Variants in DSCC1 observed in about 807,000 individuals in gnomAD.
The protein encoded by DSCC1 is DNA replication and sister chromatid cohesion 1.
In DSCC1, 32 loss-of-function variants were observed where a neutral mutation model predicts 48.2. That is an observed-to-expected ratio of 0.66 (90% CI 0.50 to 0.89). The LOEUF is 0.89. Among genes scored for constraint, DSCC1 ranks in the 40% least tolerant of loss-of-function variants. DSCC1 has a pLI of 0.00. For synonymous variants in DSCC1, 150 were observed against 171.5 expected, an observed-to-expected ratio of 0.87 and a Z score of 0.98; for missense variants, 421 against 471.7, an observed-to-expected ratio of 0.89 and a Z score of 1.00.
chr8:119,846,996 T>C lies in DSCC1; in HGVS notation c.571A>G (p.Ile191Val), dbSNP rs1274902432. ...TAGTAGTAAGTAACGCTACCTCCAA[T>C]CTTACAGGCATTTAGAACTTGTAAT... ...TQLQVLNACK[I>V]GGYWRILEFD... The change falls in exon 4 of 9, where the codon ATT (isoleucine) becomes GTT (valine). Residue 191 changes from isoleucine (I) to valine (V), a missense_variant. By Grantham distance (29) the Ile-to-Val change is conservative. This residue lies in a region of DSCC1 where 238 missense variants were observed against 259.0 expected (regional missense o/e 0.92). Transcript: ENST00000313655. The C allele has an allele frequency of 3.7e-6, 6 of 1,613,520 alleles. No individual in the cohort carries two copies. The highest frequency in any genetic ancestry group is 5.1e-6 in the Non-Finnish European group (6 of 1,179,868).
chr8:119,843,772 A>C, intron 4 of DSCC1, 25 bp from the exon 5 acceptor site: 1 of 1,593,090 alleles, frequency 6.3e-7, no homozygotes, highest in Non-Finnish European at 8.5e-7. Context: ...AGTTATATTT[A>C]CCAAAGAACT....
chr8:119,845,575 T>C (rs76921534), intron 4 of DSCC1, among the ~76,000 whole-genome samples: 2,812 of 151,906 alleles, frequency 0.019, 86 homozygotes, highest in African/African-American at 0.064. Context: ...CCTAGAGAAA[T>C]TGTATCCATC....
chr8:119,854,023 A>G (rs1826978873), intron 1 of DSCC1, among the ~76,000 whole-genome samples: 1 of 152,170 alleles, frequency 6.6e-6, no homozygotes, highest in Non-Finnish European at 1.5e-5. Context: ...CAGCCTGAGA[A>G]ACATAGCAAG....
At chr8:119,851,369 C>T (rs1826941495) in intron 2 of DSCC1, among the ~76,000 whole-genome samples, 1 of 152,172 alleles carries the variant, frequency 6.6e-6, no homozygotes, top group Non-Finnish European at 1.5e-5. Flanking sequence ...AGGACCAAAT[C>T]TGACAGACTG....
At position 119,850,548 on chromosome 8, in the gene DSCC1, G is replaced by T. The variant is rs1235296652; in HGVS notation, c.352-32C>A. The T allele has an allele frequency of 4.0e-6, 6 of 1,512,338 alleles. No homozygotes were observed. In the African/African-American group the frequency reaches 8.6e-5, roughly 22 times the overall value. The allele number at this position is 1,512,338 out of a possible 1,614,324, so 93.7% of individuals were successfully genotyped here. A position where few individuals can be genotyped will look rare whatever the true frequency, so the allele number is the denominator to read the frequency against. ...ATTATATATATCGTAACCTTTTAGG[G>T]GCCATTCTAAAGGAAAATTTCATAC... On this transcript the variant is annotated intron_variant, in intron 2 of 8. Coordinates refer to ENST00000313655, the MANE Select transcript of DSCC1 (RefSeq NM_024094.3).
chr8:119,849,563 T>G (rs1418849858), intron 3 of DSCC1, among the ~76,000 whole-genome samples: 2 of 152,080 alleles, frequency 1.3e-5, no homozygotes, highest in African/African-American at 4.8e-5. Context: ...AGACAGAAAG[T>G]TTATTAGTGG....
At chr8:119,850,251 TTTA>T (rs1826925508) in intron 3 of DSCC1, 128 bp downstream of exon 3, 5 of 935,674 alleles carry the variant, frequency 5.3e-6, no homozygotes, top group African/African-American at 1.7e-5. Flanking sequence ...TGCTTGAAAT[TTTA>T]TAACTTTTTT....
intron 1 of DSCC1, among the ~76,000 whole-genome samples, 188 bp from the exon 2 acceptor site, chr8:119,853,403 G>A (rs1387377218): frequency 2.6e-5 from 4 of 152,144 alleles, no homozygotes; most frequent in East Asian, 1.9e-4. Flanking sequence ...CCACACAGAC[G>A]CCCCACCCAG....
intron 6 of DSCC1, 117 bp from the exon 7 acceptor site, chr8:119,842,065 C>T (rs929633874): frequency 5.0e-5 from 60 of 1,190,100 alleles, no homozygotes; most frequent in Non-Finnish European, 6.4e-5. Flanking sequence ...AACTCACTTC[C>T]GACAACCCCA....
At chr8:119,850,341 A>G in intron 3 of DSCC1, 41 bp downstream of exon 3, 1 of 1,532,542 alleles carries the variant, frequency 6.5e-7, no homozygotes, top group Non-Finnish European at 8.7e-7. Flanking sequence ...CTCTGATTAT[A>G]GTTGTTAAAT....
In DSCC1 at chr8:119,842,632, C is replaced by G. The variant is rs146107332; in HGVS notation, c.769+144G>C. ...AAATCCTGGGTTCAAGCGACCCACCCACTGCAGCCTTCCAAAGTGCTGGGA... is the reference window on the plus strand; with the variant it reads ...AAATCCTGGGTTCAAGCGACCCACCGACTGCAGCCTTCCAAAGTGCTGGGA... On this transcript the variant is annotated intron_variant, in intron 6 of 8. Transcript: ENST00000313655. 3.3e-3 allele frequency: 2,189 copies of G among 653,446 alleles called. 36 individuals carry two copies. In the African/African-American group the frequency reaches 0.037, roughly 11 times the overall value. 40.5% of individuals were successfully genotyped at this position (653,446 alleles called of 1,614,324 possible).
At chr8:119,846,545 G>T (rs1056212257) in intron 4 of DSCC1, among the ~76,000 whole-genome samples, 1 of 152,150 alleles carries the variant, frequency 6.6e-6, no homozygotes, top group Non-Finnish European at 1.5e-5. Context: ...CCTACAACAA[G>T]AAAGACAAAT....
At position 119,853,036 on chromosome 8, in the gene DSCC1, G is replaced by C. The variant is rs1826963470; in HGVS notation, c.351+11C>G. 1.9e-6 allele frequency: 3 copies of C among 1,593,518 alleles called. No homozygotes were observed. Among genetic ancestry groups the C allele is most frequent in the Admixed American group, 3.5e-5 (2 of 57,906 alleles). ...TCAGACTTTTATAAATCAGAGTACA[G>C]AAAAGAGCACCTCAGTGTGAATAAT... On this transcript the variant is annotated intron_variant, in intron 2 of 8. Transcript: ENST00000313655.
chr8:119,845,264 T>G (rs1826839901), intron 4 of DSCC1, among the ~76,000 whole-genome samples: 1 of 151,880 alleles, frequency 6.6e-6, no homozygotes, highest in Non-Finnish European at 1.5e-5. Context: ...TTTTTTGTAT[T>G]TTTACTAGAC....
Position 119,853,172 on chromosome 8 carries a change from T to C in DSCC1, c.226A>G (p.Ser76Gly), listed in dbSNP as rs138877030. The C allele has an allele frequency of 1.2e-4, 191 of 1,613,746 alleles. No individual in the cohort carries two copies. The African/African-American group carries it at 2.3e-3, about 19-fold the overall frequency. Residue 76 changes from serine to glycine, a missense_variant, in exon 2 of 9, where the codon AGT (serine) becomes GGT (glycine). Physicochemically the swap from Ser to Gly is moderately conservative, Grantham distance 56. Coordinates refer to ENST00000313655, the MANE Select transcript of DSCC1 (RefSeq NM_024094.3). ...GDKDEQAVLCSKDKTYDLKIA... is the reference protein window; with the variant it reads ...GDKDEQAVLCGKDKTYDLKIA... ...TTCAAGTCGTATGTTTTGTCTTTAC[T>C]GCACAGCACAGCTTGCTCGTCTTTA...
At chr8:119,845,823 A>C (rs4871659) in intron 4 of DSCC1, among the ~76,000 whole-genome samples, 104,936 of 151,864 alleles carry the variant, frequency 0.69, 37,102 homozygotes, top group African/African-American at 0.83. Context: ...GTGGCGCATG[A>C]CTGTAACCCC....
chr8:119,836,063 A>C (rs1323655209), intron 8 of DSCC1, among the ~76,000 whole-genome samples: 1 of 152,348 alleles, frequency 6.6e-6, no homozygotes, highest in African/African-American at 2.4e-5. Flanking sequence ...CTGTAATCCC[A>C]GCACTTTAGG....
chr8:119,838,490 G>C, intron 7 of DSCC1, 83 bp from the exon 8 acceptor site: 3 of 1,384,444 alleles, frequency 2.2e-6, no homozygotes, highest in Non-Finnish European at 2.8e-6. Flanking sequence ...TTTAGGTTTA[G>C]CTTAGCTCAA....
intron 3 of DSCC1, among the ~76,000 whole-genome samples, chr8:119,848,079 G>A (rs1053175251): frequency 6.6e-6 from 1 of 151,994 alleles, no homozygotes; most frequent in South Asian, 2.1e-4. Context: ...GGACTCAAGC[G>A]ATTTTCTCAC....
Sources: allele counts gnomAD v4.1 joint callset (sites outside exome capture counted in the v4.1 genomes callset), GRCh38; gene constraint gnomAD v4.1.1; regional missense constraint gnomAD v4.1.1; transcripts MANE v1.5; gene names NCBI Gene and HGNC (gene_info 2026-07-23, HGNC 2026-07-21).